The following KIF16B variants were observed in gnomAD, a reference collection of about 807,000 sequenced individuals.
The protein encoded by KIF16B is kinesin-like protein KIF16B.
In KIF16B, 98 loss-of-function variants were observed where a neutral mutation model predicts 156.3. The observed-to-expected ratio is 0.63, with a 90% CI of 0.53 to 0.74. The LOEUF is 0.74. Ranked by LOEUF, KIF16B falls within the 30% of genes least tolerant of loss-of-function variation. KIF16B has a pLI of 0.00. For missense variants in KIF16B, 1,421 were observed against 1,606.5 expected (o/e 0.88, Z 1.97); for synonymous variants, 564 against 583.7 (o/e 0.97, Z 0.49).
chr20:16,437,087 T>G (rs1309335461), intron 12 of KIF16B, among the ~76,000 whole-genome samples: 1 of 152,156 alleles, frequency 6.6e-6, no homozygotes, highest in Non-Finnish European at 1.5e-5. Context: ...CCAAATACAA[T>G]GTAAGTGTGA....
intron 17 of KIF16B, among the ~76,000 whole-genome samples, chr20:16,389,026 C>T (rs1325878286): frequency 1.3e-5 from 2 of 152,014 alleles, no homozygotes; most frequent in Non-Finnish European, 2.9e-5. Flanking sequence ...GAAGGGAGAC[C>T]CCCTGGCAAC....
chr20:16,463,845 T>C lies in KIF16B; in HGVS notation c.1302+30446A>G, dbSNP rs945988649. Among the ~76,000 whole-genome samples, 10 of 152,328 alleles carry C rather than the reference T, an allele frequency of 6.6e-5. No individual in the cohort carries two copies. The South Asian group carries it at 1.5e-3, about 22-fold the overall frequency. ...GACCAAATCTCAAGTTGCCAGCATATAGAGTATTAAAAATATTTTTTAATG... is the reference window on the plus strand; with the variant it reads ...GACCAAATCTCAAGTTGCCAGCATACAGAGTATTAAAAATATTTTTTAATG... On this transcript the variant is annotated intron_variant, in intron 12 of 25. Transcript: ENST00000354981.
intron 12 of KIF16B, among the ~76,000 whole-genome samples, chr20:16,442,419 TTA>T (rs11472428): frequency 4.0e-5 from 6 of 149,252 alleles, no homozygotes; most frequent in Non-Finnish European, 8.9e-5. Context: ...TACATACATA[TTA>T]TATATATATA....
chr20:16,309,830 T>G (rs970429566), intron 25 of KIF16B, among the ~76,000 whole-genome samples: 1 of 152,216 alleles, frequency 6.6e-6, no homozygotes, highest in East Asian at 1.9e-4. Context: ...TTTATATATA[T>G]GACTAGGTAA....
intron 12 of KIF16B, among the ~76,000 whole-genome samples, chr20:16,435,624 T>G (rs1329617852): frequency 6.6e-6 from 1 of 152,208 alleles, no homozygotes; most frequent in African/African-American, 2.4e-5. Context: ...ATTTTCTATT[T>G]CATTTGTTGA....
At chr20:16,452,854 A>G (rs551265124) in intron 12 of KIF16B, among the ~76,000 whole-genome samples, 45 of 152,112 alleles carry the variant, frequency 3.0e-4, no homozygotes, top group Admixed American at 1.1e-3. Flanking sequence ...AAAGAAAGAA[A>G]AAAAGAAAAT....
At chr20:16,396,603 C>G (rs570626742) in intron 17 of KIF16B, among the ~76,000 whole-genome samples, 1 of 148,292 alleles carries the variant, frequency 6.7e-6, no homozygotes, top group Non-Finnish European at 1.5e-5. Flanking sequence ...GTGGAAGAAA[C>G]AGAGGTATGG....
chr20:16,283,677 C>T (rs529653386), intron 25 of KIF16B, among the ~76,000 whole-genome samples: 4 of 152,320 alleles, frequency 2.6e-5, no homozygotes, highest in African/African-American at 7.2e-5. Flanking sequence ...TTACCACAAA[C>T]GTTGTGGCTG....
At chr20:16,399,961 C>A (rs551241644) in intron 17 of KIF16B, among the ~76,000 whole-genome samples, 1 of 152,338 alleles carries the variant, frequency 6.6e-6, no homozygotes, top group Non-Finnish European at 1.5e-5. Flanking sequence ...TCCTTGTGAG[C>A]TTCTCCAGGG....
At chr20:16,291,690 A>T (rs183014052) in intron 25 of KIF16B, among the ~76,000 whole-genome samples, 1 of 152,348 alleles carries the variant, frequency 6.6e-6, no homozygotes, top group Admixed American at 6.5e-5. Flanking sequence ...TTTCTGCCAC[A>T]AGGACATTGC....
rs2068450624 is a variant in KIF16B at position 16,496,314 on chromosome 20, T to C, written c.1242+1299A>G. On this transcript the variant is annotated intron_variant, in intron 11 of 25. Transcript: ENST00000354981. ...GATTCTGCATTTCACCAACAGATAG[T>C]TTCTCATCGAAGAAATGTGAGCAAA... 1.3e-5 allele frequency among the ~76,000 whole-genome samples: 2 copies of C among 152,226 alleles called. 1 individual carries two copies. The highest frequency in any genetic ancestry group is 4.1e-4 in the South Asian group (2 of 4,834).
At chr20:16,334,430 T>A (rs2064000065) in intron 24 of KIF16B, among the ~76,000 whole-genome samples, 1 of 152,234 alleles carries the variant, frequency 6.6e-6, no homozygotes, top group Non-Finnish European at 1.5e-5. Context: ...TTGATTTTGA[T>A]GTTATTACTG....
intron 3 of KIF16B, among the ~76,000 whole-genome samples, chr20:16,517,252 G>GT (rs1270925553): frequency 1.3e-5 from 2 of 152,194 alleles, no homozygotes; most frequent in African/African-American, 4.8e-5. Flanking sequence ...TCAACAAACT[G>GT]TTATTTCCAT....
intron 25 of KIF16B, among the ~76,000 whole-genome samples, chr20:16,290,805 C>T (rs1019372061): frequency 3.3e-5 from 5 of 152,040 alleles, no homozygotes; most frequent in African/African-American, 1.2e-4. Flanking sequence ...TGACTGAGGC[C>T]TGAATATGTC....
chr20:16,338,913 C>A (rs1044209749), intron 23 of KIF16B, among the ~76,000 whole-genome samples: 3 of 152,056 alleles, frequency 2.0e-5, no homozygotes, highest in African/African-American at 4.8e-5. Flanking sequence ...AACCTTAAGT[C>A]CTTAAAACAA....
At chr20:16,493,803 T>C (rs1173832762) in intron 12 of KIF16B, among the ~76,000 whole-genome samples, 2 of 152,208 alleles carry the variant, frequency 1.3e-5, no homozygotes, top group Non-Finnish European at 2.9e-5. Context: ...CATCCCAGTC[T>C]AGTCCTTGAG....
At chr20:16,305,014 C>T (rs2063521989) in intron 25 of KIF16B, among the ~76,000 whole-genome samples, 1 of 152,080 alleles carries the variant, frequency 6.6e-6, no homozygotes. Flanking sequence ...TTACTAATAC[C>T]TGTATTTGGC....
At chr20:16,469,254 TA>T (rs57114751) in intron 12 of KIF16B, among the ~76,000 whole-genome samples, 1,296 of 66,062 alleles carry the variant, frequency 0.02, 31 homozygotes, top group African/African-American at 0.064. Flanking sequence ...CCCTGTGTCT[TA>T]AAAAAAAAAA....
At chr20:16,384,399 T>A (rs1331812462) in intron 17 of KIF16B, among the ~76,000 whole-genome samples, 3 of 152,010 alleles carry the variant, frequency 2.0e-5, no homozygotes, top group Admixed American at 2.0e-4. Flanking sequence ...CTAATCTGAG[T>A]CATTCTTTCT....
Sources: gnomAD v4.1 joint callset for allele counts (sites outside exome capture counted in the v4.1 genomes callset) on GRCh38, gnomAD v4.1.1 for gene constraint, MANE v1.5 for transcripts, NCBI Gene and HGNC (gene_info 2026-07-23, HGNC 2026-07-21) for gene names.